DNER: variants seen among roughly 807,000 people sequenced by gnomAD.
The protein encoded by DNER is delta and Notch-like epidermal growth factor-related receptor.
Under a neutral mutation model 78.2 loss-of-function variants are expected in DNER, and 33 were observed. That is an observed-to-expected ratio of 0.42 (90% CI 0.32 to 0.56). The LOEUF is 0.56. DNER is among the 20% of genes least tolerant of loss of function. The pLI is 0.11. For missense variants in DNER, 918 were observed against 975.3 expected, an observed-to-expected ratio of 0.94 and a Z score of 0.78; for synonymous variants, 417 against 384.8, an observed-to-expected ratio of 1.08 and a Z score of -0.98.
intron 1 of DNER, among the ~76,000 whole-genome samples, chr2:229,595,360 C>A (rs1697692355): frequency 6.6e-6 from 1 of 151,938 alleles, no homozygotes; most frequent in Admixed American, 6.6e-5. Flanking sequence ...TGGCTCACTG[C>A]AACCTCTGCC....
chr2:229,672,479 G>A (rs1254361444), intron 1 of DNER, among the ~76,000 whole-genome samples: 1 of 151,344 alleles, frequency 6.6e-6, no homozygotes, highest in Non-Finnish European at 1.5e-5. Context: ...GGGATGGAGA[G>A]GGGAAAGGAG....
At chr2:229,579,682 C>T (rs1239232501) in intron 4 of DNER, among the ~76,000 whole-genome samples, 1 of 152,080 alleles carries the variant, frequency 6.6e-6, no homozygotes, top group Non-Finnish European at 1.5e-5. Flanking sequence ...ATCTTTGACC[C>T]CTATGACTAC....
At position 229,591,390 on chromosome 2, in the gene DNER, TG is replaced by T; in HGVS notation, c.585+189del. On this transcript the variant is annotated intron_variant, in intron 2 of 12. Coordinates refer to ENST00000341772, the MANE Select transcript of DNER (RefSeq NM_139072.4). This position sits in a 1 kb window ranked among gnomAD's most constrained non-coding sequence, Gnocchi z 4.6. ...CAAAAAATAATTTGATTCATTTTTT[TG>T]TTTACTCTTTTTATACTTATAAAAC... Among the ~76,000 whole-genome samples, 1 of 152,266 alleles carries T rather than the reference TG, an allele frequency of 6.6e-6. No individual in the cohort carries two copies. The highest frequency in any genetic ancestry group is 1.9e-4 in the East Asian group (1 of 5,200).
intron 1 of DNER, among the ~76,000 whole-genome samples, chr2:229,668,888 A>G (rs1409641722): frequency 6.6e-6 from 1 of 152,062 alleles, no homozygotes; most frequent in African/African-American, 2.4e-5. Flanking sequence ...CCAAAGAATT[A>G]TAAATTATTC....
At chr2:229,535,829 A>G (rs1474512754) in intron 5 of DNER, among the ~76,000 whole-genome samples, 2 of 151,574 alleles carry the variant, frequency 1.3e-5, no homozygotes, top group Non-Finnish European at 2.9e-5. Context: ...TTTTTAGTTG[A>G]GACGGGGTTT....
intron 4 of DNER, among the ~76,000 whole-genome samples, chr2:229,558,542 T>C (rs187775730): frequency 2.6e-5 from 4 of 152,360 alleles, no homozygotes; most frequent in Admixed American, 2.6e-4. Flanking sequence ...TTTCAAAGTT[T>C]TCACAAATAA....
chr2:229,655,782 T>C, intron 1 of DNER, among the ~76,000 whole-genome samples: 1 of 150,274 alleles, frequency 6.7e-6, no homozygotes, highest in East Asian at 2.0e-4. Context: ...GGGTCCTAAA[T>C]GCAATGGCAA....
At chr2:229,548,249 T>C (rs934727825) in intron 4 of DNER, among the ~76,000 whole-genome samples, 3 of 152,172 alleles carry the variant, frequency 2.0e-5, no homozygotes, top group African/African-American at 7.2e-5. Flanking sequence ...CCTCACACTA[T>C]ACAAAAGTAA....
intron 8 of DNER, among the ~76,000 whole-genome samples, chr2:229,438,808 T>C (rs998135033): frequency 6.6e-6 from 1 of 152,230 alleles, no homozygotes; most frequent in Non-Finnish European, 1.5e-5. Context: ...TTCACCACTA[T>C]GCAATCTATG....
chr2:229,622,085 C>CA (rs1397483568), intron 1 of DNER, among the ~76,000 whole-genome samples: 8 of 151,742 alleles, frequency 5.3e-5, no homozygotes, highest in Admixed American at 6.6e-5. Flanking sequence ...GACTCCGTCT[C>CA]AAAAAAACAA....
At chr2:229,651,413 C>A (rs751805123) in intron 1 of DNER, among the ~76,000 whole-genome samples, 3 of 152,338 alleles carry the variant, frequency 2.0e-5, no homozygotes, top group East Asian at 1.9e-4. Context: ...AGGACACTTG[C>A]GTGTCCTCTC....
chr2:229,552,566 AG>A (rs1341215650), intron 4 of DNER, among the ~76,000 whole-genome samples: 16 of 152,126 alleles, frequency 1.1e-4, no homozygotes, highest in Non-Finnish European at 1.5e-4. Context: ...TGGTTTTATA[AG>A]GGGCTTTTCC....
intron 7 of DNER, among the ~76,000 whole-genome samples, chr2:229,465,526 C>T (rs1393080236): frequency 1.3e-5 from 2 of 152,034 alleles, no homozygotes; most frequent in African/African-American, 4.8e-5. Context: ...CCATGGCACA[C>T]ATTTACCTAT....
intron 1 of DNER, among the ~76,000 whole-genome samples, chr2:229,664,730 C>T (rs1699060222): frequency 6.6e-6 from 1 of 152,144 alleles, no homozygotes; most frequent in Admixed American, 6.5e-5. Context: ...AAATTCATGA[C>T]ATGTCTATTT....
intron 1 of DNER, among the ~76,000 whole-genome samples, chr2:229,638,995 G>A (rs915642466): frequency 6.6e-5 from 10 of 152,136 alleles, no homozygotes; most frequent in African/African-American, 1.2e-4. Flanking sequence ...CTCACCTGAC[G>A]CAGAGCCCCT....
At chr2:229,703,931 A>G (rs1357149571) in intron 1 of DNER, among the ~76,000 whole-genome samples, 3 of 152,128 alleles carry the variant, frequency 2.0e-5, no homozygotes, top group South Asian at 4.1e-4. Flanking sequence ...AGAAAAAAAA[A>G]AAAAGAAAGG....
chr2:229,632,344 A>T (rs973262649), intron 1 of DNER, among the ~76,000 whole-genome samples: 1 of 152,218 alleles, frequency 6.6e-6, no homozygotes, highest in Non-Finnish European at 1.5e-5. Flanking sequence ...AAAGCTAAAT[A>T]AACACTAACT....
chr2:229,662,923 C>T (rs1039903430), intron 1 of DNER, among the ~76,000 whole-genome samples: 46 of 152,374 alleles, frequency 3.0e-4, no homozygotes, highest in African/African-American at 1.1e-3. Flanking sequence ...TAAATCCAGT[C>T]TGTTCTGCCC....
At chr2:229,452,182 G>A (rs758308759) in intron 7 of DNER, among the ~76,000 whole-genome samples, 4 of 152,156 alleles carry the variant, frequency 2.6e-5, no homozygotes, top group Non-Finnish European at 4.4e-5. Context: ...ATCAGAAGAG[G>A]TTGAGACCGG....
Sources: allele counts gnomAD v4.1 joint callset (sites outside exome capture counted in the v4.1 genomes callset), GRCh38; gene constraint gnomAD v4.1.1; non-coding constraint Gnocchi (gnomAD v3.1); transcripts MANE v1.5; gene names NCBI Gene and HGNC (gene_info 2026-07-23, HGNC 2026-07-21).